CHLSN: variants seen among roughly 807,000 people sequenced by gnomAD.
CHLSN encodes the protein protein cholesin.
At chr7:1,070,826 CACATATACACACA>C in the CHLSN span, among the ~76,000 whole-genome samples, 1 of 26,206 alleles carries the variant, frequency 3.8e-5, no homozygotes, top group African/African-American at 5.1e-4. Flanking sequence ...CACACGTGCA[CACATATACACACA>C]ACGCGTGCAC....
chr7:1,051,081 A>T, the CHLSN span, among the ~76,000 whole-genome samples: 1 of 152,166 alleles, frequency 6.6e-6, no homozygotes, highest in Non-Finnish European at 1.5e-5. Context: ...CCTGCGTCGC[A>T]GAGGGCACCA....
At chr7:980,445 A>G in the CHLSN span, among the ~76,000 whole-genome samples, 1 of 152,234 alleles carries the variant, frequency 6.6e-6, no homozygotes, top group South Asian at 2.1e-4. Flanking sequence ...CGGACATCAG[A>G]AAGCAACAAT....
At chr7:1,135,772 A>AATAT in the CHLSN span, among the ~76,000 whole-genome samples, 1,200 of 97,316 alleles carry the variant, frequency 0.012, 10 homozygotes, top group East Asian at 0.027. Context: ...CTCAAAAAGA[A>AATAT]ATATATATAT....
chr7:995,236 C>T, the CHLSN span, among the ~76,000 whole-genome samples: 1 of 152,236 alleles, frequency 6.6e-6, no homozygotes, highest in Non-Finnish European at 1.5e-5. Flanking sequence ...TTGCGTGGTT[C>T]TCTGAGCCAC....
the CHLSN span, among the ~76,000 whole-genome samples, chr7:1,100,534 A>C: frequency 1.3e-5 from 2 of 152,224 alleles, no homozygotes; most frequent in Admixed American, 1.3e-4. Flanking sequence ...AAGCGGCGTC[A>C]GCTGGGGAGC....
the CHLSN span, among the ~76,000 whole-genome samples, chr7:1,087,789 G>C: frequency 6.6e-6 from 1 of 152,222 alleles, no homozygotes; most frequent in African/African-American, 2.4e-5. Flanking sequence ...TTTAACGCAG[G>C]TCAGTTGCAA....
At chr7:983,879 C>T in the CHLSN span, among the ~76,000 whole-genome samples, 5 of 152,346 alleles carry the variant, frequency 3.3e-5, no homozygotes, top group South Asian at 2.1e-4. Flanking sequence ...GGACACGGCA[C>T]GGGGCAGCCT....
chr7:1,082,957 G>A, the CHLSN span, among the ~76,000 whole-genome samples: 11 of 152,362 alleles, frequency 7.2e-5, no homozygotes, highest in East Asian at 5.8e-4. Flanking sequence ...GAGCCTCCCC[G>A]AGGCTCCTTG....
the CHLSN span, among the ~76,000 whole-genome samples, chr7:1,107,032 C>T: frequency 1.3e-5 from 2 of 152,200 alleles, no homozygotes; most frequent in Non-Finnish European, 2.9e-5. Context: ...CTTGCCTGCC[C>T]GCCCAGCATC....
At chr7:1,102,983 G>C in the CHLSN span, among the ~76,000 whole-genome samples, 1 of 152,174 alleles carries the variant, frequency 6.6e-6, no homozygotes, top group Non-Finnish European at 1.5e-5. Flanking sequence ...GGAAGAGAGA[G>C]ACACTCTGTT....
At chr7:1,016,949 CCAGCGCACAG>C in the CHLSN span, among the ~76,000 whole-genome samples, 6 of 115,926 alleles carry the variant, frequency 5.2e-5, 1 homozygote, top group Non-Finnish European at 9.0e-5. Context: ...CCAGCACACG[CCAGCGCACAG>C]CAGCACACGC....
chr7:1,065,000 A>G, the CHLSN span, among the ~76,000 whole-genome samples: 7 of 152,368 alleles, frequency 4.6e-5, no homozygotes, highest in African/African-American at 1.7e-4. Context: ...CCGCTGTCCA[A>G]CCCTAATCAT....
chr7:1,007,735 C>A, the CHLSN span, among the ~76,000 whole-genome samples: 1 of 152,178 alleles, frequency 6.6e-6, no homozygotes, highest in African/African-American at 2.4e-5. Context: ...TGCCTCCGCA[C>A]AGGACTTGCC....
the CHLSN span, among the ~76,000 whole-genome samples, chr7:1,096,923 T>C: frequency 6.6e-6 from 1 of 151,916 alleles, no homozygotes; most frequent in Non-Finnish European, 1.5e-5. This position sits in a 1 kb window ranked among gnomAD's most constrained non-coding sequence, Gnocchi z 4.6. Flanking sequence ...TAGGAGGGTG[T>C]TTCTGTGGCG....
At chr7:1,083,875 G>C in the CHLSN span, among the ~76,000 whole-genome samples, 4 of 152,324 alleles carry the variant, frequency 2.6e-5, no homozygotes, top group South Asian at 6.2e-4. Flanking sequence ...CTGTTTCCGG[G>C]CTCGGCAGGC....
At chr7:1,047,143 A>T in the CHLSN span, among the ~76,000 whole-genome samples, 1 of 152,212 alleles carries the variant, frequency 6.6e-6, no homozygotes, top group Non-Finnish European at 1.5e-5. Flanking sequence ...AGCCAAGTAA[A>T]CAAAAGAATG....
At chr7:1,129,592 C>T in the CHLSN span, among the ~76,000 whole-genome samples, 1 of 152,230 alleles carries the variant, frequency 6.6e-6, no homozygotes, top group East Asian at 1.9e-4. Context: ...ACCACAGGCG[C>T]ATGCCACCAT....
chr7:985,416 A>G, the CHLSN span: 1 of 1,368,836 alleles, frequency 7.3e-7, no homozygotes, highest in East Asian at 2.5e-5. Context: ...GTCCCCTCTC[A>G]GCTTCTCGGC....
At chr7:997,414 C>G in the CHLSN span, 3 of 516,630 alleles carry the variant, frequency 5.8e-6, no homozygotes, top group East Asian at 7.0e-5. Context: ...CTGTCACAGC[C>G]GTCACCGGCC....
Sources: allele counts gnomAD v4.1 joint callset (sites outside exome capture counted in the v4.1 genomes callset), GRCh38; gene constraint gnomAD v4.1.1; non-coding constraint Gnocchi (gnomAD v3.1); transcripts MANE v1.5; gene names NCBI Gene and HGNC (gene_info 2026-07-23, HGNC 2026-07-21).